The following TBC1D32 variants were observed in gnomAD, a reference collection of about 807,000 sequenced individuals.
TBC1D32 encodes protein broad-minded.
In TBC1D32, 151 loss-of-function variants were observed where a neutral mutation model predicts 170.3. That is an observed-to-expected ratio of 0.89 (90% CI 0.78 to 1.01). The LOEUF is 1.01. TBC1D32 is among the 50% of genes least tolerant of loss of function. TBC1D32 has a pLI of 0.00. For missense variants in TBC1D32, 1,464 were observed against 1,457.1 expected (o/e 1.00, Z -0.08); for synonymous variants, 498 against 488.0 (o/e 1.02, Z -0.27).
chr6:121,182,267 G>A (rs577398467), intron 22 of TBC1D32, among the ~76,000 whole-genome samples: 1 of 152,010 alleles, frequency 6.6e-6, no homozygotes, highest in East Asian at 1.9e-4. Context: ...AATTTGTTAA[G>A]TTGTATGTTT....
At chr6:121,149,801 A>G (rs551149130) in intron 24 of TBC1D32, among the ~76,000 whole-genome samples, 32 of 152,280 alleles carry the variant, frequency 2.1e-4, no homozygotes, top group Admixed American at 1.0e-3. Flanking sequence ...AAGAAAGTCA[A>G]TGGTAGCCTG....
At chr6:121,086,577 A>G (rs1046248853) in intron 31 of TBC1D32, among the ~76,000 whole-genome samples, 2 of 152,164 alleles carry the variant, frequency 1.3e-5, no homozygotes, top group African/African-American at 4.8e-5. Flanking sequence ...GTTGAAATTA[A>G]TCTGATTTTT....
intron 24 of TBC1D32, among the ~76,000 whole-genome samples, chr6:121,137,139 A>G (rs182799913): frequency 6.6e-6 from 1 of 152,236 alleles, no homozygotes; most frequent in African/African-American, 2.4e-5. Flanking sequence ...TGAAATGAAC[A>G]TTCACTTCTT....
chr6:121,226,757 G>C (rs78621169), intron 20 of TBC1D32, among the ~76,000 whole-genome samples: 7,264 of 152,120 alleles, frequency 0.048, 523 homozygotes, highest in African/African-American at 0.15. Flanking sequence ...AAGTAGTATG[G>C]TCACGAAGGG....
chr6:121,286,920 A>T (rs1022656970), intron 12 of TBC1D32, among the ~76,000 whole-genome samples: 2 of 152,210 alleles, frequency 1.3e-5, no homozygotes, highest in African/African-American at 4.8e-5. Flanking sequence ...AAAGTGAAGG[A>T]GAAATAAAAT....
chr6:121,242,487 A>C (rs1472609649), intron 17 of TBC1D32, 148 bp from the exon 18 acceptor site: 2 of 663,530 alleles, frequency 3.0e-6, no homozygotes, highest in Non-Finnish European at 4.8e-6. Flanking sequence ...GTTTAAAATT[A>C]AATAAAAACA....
chr6:121,199,234 C>T (rs909745222), intron 22 of TBC1D32, among the ~76,000 whole-genome samples: 1 of 151,198 alleles, frequency 6.6e-6, no homozygotes, highest in Non-Finnish European at 1.5e-5. Context: ...AAAACACCTA[C>T]GTGTGTAAAA....
chr6:121,210,211 C>G (rs1792869038), intron 21 of TBC1D32, among the ~76,000 whole-genome samples: 1 of 151,934 alleles, frequency 6.6e-6, no homozygotes, highest in Non-Finnish European at 1.5e-5. Flanking sequence ...AAGAACTACA[C>G]AAATAGAAAA....
Position 121,281,510 on chromosome 6 carries a change from G to A in TBC1D32, c.1608+34C>T, listed in dbSNP as rs779561291. 5 of 1,573,156 alleles carry A rather than the reference G, an allele frequency of 3.2e-6. No homozygotes were observed. In the East Asian group the frequency reaches 9.2e-5, roughly 29 times the overall value. On this transcript the variant is annotated intron_variant, in intron 14 of 31. Coordinates refer to ENST00000398212, the MANE Select transcript of TBC1D32 (RefSeq NM_152730.6). ...TGAGTATCCACTAATACCCAGGTAA[G>A]AGACTCTTTTTCTCCTTAGTAAATA... is the stretch of plus-strand genomic sequence containing the variant.
At chr6:121,312,843 A>G (rs1808411290) in intron 3 of TBC1D32, among the ~76,000 whole-genome samples, 1 of 152,216 alleles carries the variant, frequency 6.6e-6, no homozygotes, top group Non-Finnish European at 1.5e-5. Flanking sequence ...TACATAGACA[A>G]TATAAGAAAA....
chr6:121,326,800 C>G (rs1002316228), intron 1 of TBC1D32, among the ~76,000 whole-genome samples: 31 of 151,930 alleles, frequency 2.0e-4, no homozygotes, highest in African/African-American at 7.5e-4. Context: ...GAGTGGCAAG[C>G]CCCTTTACAA....
chr6:121,115,105 G>A, intron 27 of TBC1D32, 67 bp downstream of exon 27: 1 of 1,190,252 alleles, frequency 8.4e-7, no homozygotes, highest in Non-Finnish European at 1.2e-6. Flanking sequence ...AAATACTACT[G>A]AGCACATATG....
intron 15 of TBC1D32, among the ~76,000 whole-genome samples, chr6:121,259,731 T>A (rs905948312): frequency 3.3e-5 from 5 of 152,168 alleles, no homozygotes; most frequent in African/African-American, 1.2e-4. Context: ...TAAACCTGAT[T>A]CATTTTATAG....
In TBC1D32 at chr6:121,334,366, C is replaced by T; in HGVS notation, c.65G>A (p.Ser22Asn). 1 of 1,614,240 alleles carries T rather than the reference C, an allele frequency of 6.2e-7. No individual in the cohort carries two copies. The highest frequency in any genetic ancestry group is 8.5e-7 in the Non-Finnish European group (1 of 1,180,038). ...LQAMLRRLFQ[S>N]VKEKITGAPS... The stretch of plus-strand genomic sequence containing the variant: ...GGCACCCGTGATTTTCTCCTTCACG[C>T]TCTGGAACAACCGCCTCAGCATCGC... The change falls in exon 1 of 32, where the codon AGC becomes AAC. Residue 22 changes from serine to asparagine, a missense_variant. Physicochemically the swap from Ser to Asn is conservative, Grantham distance 46. Transcript: ENST00000398212.
At chr6:121,104,574 GAAGAT>G (rs1164044978) in intron 30 of TBC1D32, among the ~76,000 whole-genome samples, 1 of 151,552 alleles carries the variant, frequency 6.6e-6, no homozygotes, top group Non-Finnish European at 1.5e-5. Flanking sequence ...CAAAGATGGA[GAAGAT>G]AAGTAAGTTG....
At position 121,283,786 on chromosome 6, in the gene TBC1D32, T is replaced by C. The variant is rs76397776; in HGVS notation, c.1465+32A>G. ...TACTTAAATATTTTTAGATGTTTTA[T>C]ATTTCTCTATTTAAAATAGAAACAG... On this transcript the variant is annotated intron_variant, in intron 13 of 31. Transcript: ENST00000398212. 31,336 of 1,470,930 alleles carry C rather than the reference T, an allele frequency of 0.021. 1,343 individuals are homozygous for C. Among genetic ancestry groups the C allele is most frequent in the East Asian group, 0.14 (6,139 of 42,682 alleles). 91.1% of individuals were successfully genotyped at this position (1,470,930 alleles called of 1,614,324 possible). A position where few individuals can be genotyped will look rare whatever the true frequency, so the allele number is the denominator to read the frequency against.
intron 24 of TBC1D32, among the ~76,000 whole-genome samples, chr6:121,134,719 G>A (rs1347862186): frequency 6.6e-6 from 1 of 152,056 alleles, no homozygotes; most frequent in Non-Finnish European, 1.5e-5. Flanking sequence ...TGAAAAACAT[G>A]TATATCTGTG....
chr6:121,290,842 C>T (rs1337557207), intron 12 of TBC1D32, among the ~76,000 whole-genome samples: 1 of 152,092 alleles, frequency 6.6e-6, no homozygotes, highest in African/African-American at 2.4e-5. Flanking sequence ...GAGTTCATGT[C>T]TTTTGTAGGG....
chr6:121,139,089 G>A (rs574832483), intron 24 of TBC1D32, among the ~76,000 whole-genome samples: 67 of 152,076 alleles, frequency 4.4e-4, no homozygotes, highest in African/African-American at 1.4e-3. Context: ...CTTGTGGTCC[G>A]CCCGCCTCGG....
Sources: gnomAD v4.1 joint callset for allele counts (sites outside exome capture counted in the v4.1 genomes callset) on GRCh38, gnomAD v4.1.1 for gene constraint, MANE v1.5 for transcripts, NCBI Gene and HGNC (gene_info 2026-07-23, HGNC 2026-07-21) for gene names.